The following ST6GALNAC5 variants were observed in gnomAD, a reference collection of about 807,000 sequenced individuals.
ST6GALNAC5 encodes the protein alpha-N-acetylgalactosaminide alpha-2,6-sialyltransferase 5.
ST6GALNAC5 carries 27 observed loss-of-function variants against 33.6 expected under a neutral mutation model. The ratio of observed to expected loss-of-function variants is 0.80; its 90% confidence interval spans 0.59 to 1.11. ST6GALNAC5 has a LOEUF of 1.11. ST6GALNAC5 is among the 50% of genes least tolerant of loss of function. The pLI, the probability that ST6GALNAC5 is intolerant of heterozygous loss-of-function variation, is 0.00. For missense variants in ST6GALNAC5, 428 were observed against 454.0 expected (o/e 0.94, Z 0.52); for synonymous variants, 194 against 171.2 (o/e 1.13, Z -1.04).
intron 2 of ST6GALNAC5, among the ~76,000 whole-genome samples, chr1:76,930,955 C>A (rs1455370811): frequency 6.6e-6 from 1 of 152,160 alleles, no homozygotes; most frequent in Non-Finnish European, 1.5e-5. Context: ...ATTCCTCTTG[C>A]AAGTAGGCAG....
chr1:76,984,224 C>T (rs148954366), intron 2 of ST6GALNAC5, among the ~76,000 whole-genome samples: 2 of 152,218 alleles, frequency 1.3e-5, no homozygotes, highest in African/African-American at 4.8e-5. Context: ...AATTCAGGAG[C>T]TGGTTTTTTG....
At chr1:76,907,254 CA>C (rs1213017203) in intron 2 of ST6GALNAC5, among the ~76,000 whole-genome samples, 1 of 152,086 alleles carries the variant, frequency 6.6e-6, no homozygotes, top group East Asian at 1.9e-4. Flanking sequence ...ATGAACTCCT[CA>C]ACATGGTGTG....
At chr1:77,059,207 T>C (rs1329382120) in intron 4 of ST6GALNAC5, among the ~76,000 whole-genome samples, 1 of 152,218 alleles carries the variant, frequency 6.6e-6, no homozygotes, top group African/African-American at 2.4e-5. Context: ...GAAATTAACA[T>C]GAGTATAATG....
intron 2 of ST6GALNAC5, among the ~76,000 whole-genome samples, chr1:76,911,864 T>C (rs1646917342): frequency 6.6e-6 from 1 of 152,190 alleles, no homozygotes; most frequent in Non-Finnish European, 1.5e-5. Context: ...GTTGCTCCTT[T>C]CAAAAAACCA....
intron 2 of ST6GALNAC5, among the ~76,000 whole-genome samples, chr1:77,023,953 C>T (rs920823513): frequency 6.6e-6 from 1 of 152,148 alleles, no homozygotes; most frequent in African/African-American, 2.4e-5. Flanking sequence ...CAAAATTCAG[C>T]CTCAGTTATA....
At chr1:77,037,995 G>C (rs545888101) in intron 2 of ST6GALNAC5, among the ~76,000 whole-genome samples, 1 of 152,170 alleles carries the variant, frequency 6.6e-6, no homozygotes, top group Non-Finnish European at 1.5e-5. Context: ...TACTATCTTC[G>C]TGTCATAGAT....
At chr1:76,958,135 T>C (rs1165894549) in intron 2 of ST6GALNAC5, among the ~76,000 whole-genome samples, 1 of 152,222 alleles carries the variant, frequency 6.6e-6, no homozygotes, top group Admixed American at 6.5e-5. Context: ...CCGTTTGCTC[T>C]GCTGGTCATG....
intron 4 of ST6GALNAC5, among the ~76,000 whole-genome samples, chr1:77,061,670 T>A (rs1457846412): frequency 6.6e-6 from 1 of 152,188 alleles, no homozygotes; most frequent in East Asian, 1.9e-4. Context: ...AATCTTACCA[T>A]TCATTCTTCA....
At chr1:76,944,182 C>G (rs530011915) in intron 2 of ST6GALNAC5, among the ~76,000 whole-genome samples, 4 of 152,146 alleles carry the variant, frequency 2.6e-5, no homozygotes, top group South Asian at 4.1e-4. Flanking sequence ...GAAAATGTGT[C>G]TTGGTTTTAT....
chr1:76,977,862 A>G (rs1239979042), intron 2 of ST6GALNAC5, among the ~76,000 whole-genome samples: 4 of 152,188 alleles, frequency 2.6e-5, no homozygotes, highest in Non-Finnish European at 1.5e-5. Flanking sequence ...GCTGTATCAT[A>G]TGATAGTTCT....
At chr1:77,061,783 A>T (rs1409470512) in intron 4 of ST6GALNAC5, among the ~76,000 whole-genome samples, 1 of 152,174 alleles carries the variant, frequency 6.6e-6, no homozygotes. Context: ...AAGGGCACCT[A>T]CCACCCCCAC....
chr1:77,033,801 A>G (rs987378126), intron 2 of ST6GALNAC5, among the ~76,000 whole-genome samples: 1 of 152,144 alleles, frequency 6.6e-6, no homozygotes, highest in African/African-American at 2.4e-5. Flanking sequence ...GCCGGAGAAT[A>G]GAGAGTAGGG....
chr1:76,982,197 G>A (rs531611193), intron 2 of ST6GALNAC5, among the ~76,000 whole-genome samples: 96 of 151,914 alleles, frequency 6.3e-4, no homozygotes, highest in Non-Finnish European at 7.2e-4. Context: ...TCAGAAGGTC[G>A]GTAATAACAA....
intron 2 of ST6GALNAC5, among the ~76,000 whole-genome samples, chr1:76,913,795 C>A (rs896057681): frequency 6.6e-6 from 1 of 152,082 alleles, no homozygotes; most frequent in Admixed American, 6.6e-5. Flanking sequence ...GACAGGGATG[C>A]CCTCTCTCAC....
chr1:76,996,572 G>A (rs1353607657), intron 2 of ST6GALNAC5, among the ~76,000 whole-genome samples: 2 of 152,168 alleles, frequency 1.3e-5, no homozygotes, highest in South Asian at 2.1e-4. Context: ...TTGCACAAAC[G>A]TTAACAACTA....
At position 77,044,429 on chromosome 1, in the gene ST6GALNAC5, A is replaced by T. The variant is rs1651939243; in HGVS notation, c.487A>T (p.Ser163Cys). 2 of 1,613,326 alleles carry T rather than the reference A, an allele frequency of 1.2e-6. No individual in the cohort carries two copies. Among genetic ancestry groups the T allele is most frequent in the East Asian group, 4.5e-5 (2 of 44,844 alleles). ...CAACCGCCATGACCTGCTCAACGTGAGCCAGGGCACCGTGTTCATCTTCTG... is the reference window on the plus strand; with the variant it reads ...CAACCGCCATGACCTGCTCAACGTGTGCCAGGGCACCGTGTTCATCTTCTG... ...LRNRHDLLNV[S>C]QGTVFIFWGP... The change falls in exon 3 of 5, where the codon AGC becomes TGC. Residue 163 changes from serine (S) to cysteine (C), a missense_variant. Physicochemically the swap from Ser to Cys is moderately radical, Grantham distance 112. Transcript: ENST00000477717.
intron 2 of ST6GALNAC5, among the ~76,000 whole-genome samples, chr1:77,018,056 G>A (rs763247125): frequency 6.6e-5 from 10 of 152,102 alleles, no homozygotes; most frequent in Non-Finnish European, 1.0e-4. Flanking sequence ...TCCTTCATTG[G>A]CGCTGAGCAG....
chr1:77,038,163 T>G (rs1651716770), intron 2 of ST6GALNAC5, among the ~76,000 whole-genome samples: 1 of 152,284 alleles, frequency 6.6e-6, no homozygotes, highest in Non-Finnish European at 1.5e-5. Flanking sequence ...GGCCAGCCAG[T>G]AGATGGAAAT....
At chr1:76,910,111 T>G (rs1441108530) in intron 2 of ST6GALNAC5, among the ~76,000 whole-genome samples, 1 of 152,048 alleles carries the variant, frequency 6.6e-6, no homozygotes, top group Non-Finnish European at 1.5e-5. Context: ...TTCAATTTGC[T>G]GAGACTAAGG....
Sources: gnomAD v4.1 joint callset for allele counts (sites outside exome capture counted in the v4.1 genomes callset) on GRCh38, gnomAD v4.1.1 for gene constraint, MANE v1.5 for transcripts, NCBI Gene and HGNC (gene_info 2026-07-23, HGNC 2026-07-21) for gene names.